Variants in LRPPRC observed in about 807,000 individuals in gnomAD.
LRPPRC encodes leucine rich pentatricopeptide repeat containing.
LRPPRC carries 120 observed loss-of-function variants against 180.3 expected under a neutral mutation model. That is an observed-to-expected ratio of 0.67 (90% CI 0.57 to 0.77). LRPPRC has a LOEUF of 0.77. Among genes scored for constraint, LRPPRC ranks in the 30% least tolerant of loss-of-function variants. LRPPRC has a pLI of 0.00. For missense variants in LRPPRC, 2,012 were observed against 1,657.2 expected, an observed-to-expected ratio of 1.21 and a Z score of -3.72; for synonymous variants, 723 against 600.0, an observed-to-expected ratio of 1.21 and a Z score of -3.00.
At chr2:43,981,565 G>A (rs1449214003) in intron 2 of LRPPRC, among the ~76,000 whole-genome samples, 1 of 151,876 alleles carries the variant, frequency 6.6e-6, no homozygotes, top group African/African-American at 2.4e-5. Context: ...GCTGAGGCAG[G>A]AGAGTTGCTT....
intron 7 of LRPPRC, 27 bp from the exon 8 acceptor site, chr2:43,974,785 A>C: frequency 6.2e-7 from 1 of 1,608,194 alleles, no homozygotes; most frequent in Admixed American, 1.7e-5. Flanking sequence ...AAATTAGAAG[A>C]CAAAGTTAGA....
At chr2:43,934,986 AGC>A (rs1285122475) in intron 23 of LRPPRC, 108 bp from the exon 24 acceptor site, 5 of 825,662 alleles carry the variant, frequency 6.1e-6, no homozygotes, top group Non-Finnish European at 9.6e-6. Flanking sequence ...TAAACAACTG[AGC>A]TTTACTTAAG....
chr2:43,936,928 C>T (rs576440444), intron 23 of LRPPRC, among the ~76,000 whole-genome samples: 7 of 152,248 alleles, frequency 4.6e-5, no homozygotes, highest in Non-Finnish European at 1.0e-4. Flanking sequence ...GACACAGGTT[C>T]GGTTATTGCC....
At chr2:43,889,172 A>G (rs1193256531) in intron 37 of LRPPRC, among the ~76,000 whole-genome samples, 14 of 151,996 alleles carry the variant, frequency 9.2e-5, no homozygotes, top group African/African-American at 3.1e-4. Flanking sequence ...AAAATGTGCC[A>G]GGCATGGTGG....
At chr2:43,935,798 A>G (rs1011122123) in intron 23 of LRPPRC, among the ~76,000 whole-genome samples, 1 of 152,210 alleles carries the variant, frequency 6.6e-6, no homozygotes, top group African/African-American at 2.4e-5. Context: ...TAAAAGGACA[A>G]TGTTAGTATG....
At chr2:43,947,177 T>C in intron 20 of LRPPRC, 80 bp downstream of exon 20, 3 of 675,312 alleles carry the variant, frequency 4.4e-6, no homozygotes, top group Admixed American at 2.7e-5. Context: ...GTAAAAATCA[T>C]AAATATTATA....
At chr2:43,957,296 T>C in intron 14 of LRPPRC, 89 bp downstream of exon 14, 1 of 887,556 alleles carries the variant, frequency 1.1e-6, no homozygotes, top group Non-Finnish European at 1.9e-6. Flanking sequence ...AAGATAAGAA[T>C]ATTTGTATTT....
In LRPPRC at chr2:43,947,359, A is replaced by G. The variant is rs1290296223; in HGVS notation, c.1977T>C (p.Leu659=). The G allele has an allele frequency of 1.9e-6, 3 of 1,553,564 alleles. No individual in the cohort carries two copies. The highest frequency in any genetic ancestry group is 1.7e-5 in the Admixed American group (1 of 59,890). ...GTGTGGACTCCAATTCAGATGATGT[A>G]AGTTGCACAGTCTACAGAAAAGAAA... ...KNLDFQKTVQ[L]TSSELESTLE... The change falls in exon 20 of 38, where the codon CTT becomes CTC. Residue 659 remains leucine, a synonymous_variant. Transcript: ENST00000260665.
intron 29 of LRPPRC, among the ~76,000 whole-genome samples, chr2:43,916,947 G>C (rs1057031900): frequency 3.0e-5 from 3 of 100,922 alleles, no homozygotes; most frequent in Non-Finnish European, 5.6e-5. Context: ...CTGTCTCCGG[G>C]GGGAAAAAAA....
intron 1 of LRPPRC, among the ~76,000 whole-genome samples, chr2:43,994,271 G>A (rs1263774575): frequency 6.6e-6 from 1 of 152,146 alleles, no homozygotes; most frequent in Non-Finnish European, 1.5e-5. Flanking sequence ...TTACAAGTAC[G>A]CTCCATTCCA....
intron 3 of LRPPRC, among the ~76,000 whole-genome samples, chr2:43,978,289 A>G (rs967068288): frequency 2.6e-5 from 4 of 152,288 alleles, no homozygotes; most frequent in African/African-American, 9.6e-5. Flanking sequence ...GTTTCTGGCA[A>G]TATTAATTCA....
intron 17 of LRPPRC, 89 bp downstream of exon 17, chr2:43,948,323 G>A (rs1672770099): frequency 2.2e-6 from 2 of 928,230 alleles, no homozygotes; most frequent in Non-Finnish European, 3.6e-6. Flanking sequence ...TTGAGAAGTG[G>A]TCTGGTTGTA....
At chr2:43,978,458 A>G (rs1270938769) in intron 3 of LRPPRC, among the ~76,000 whole-genome samples, 1 of 152,180 alleles carries the variant, frequency 6.6e-6, no homozygotes, top group Non-Finnish European at 1.5e-5. Context: ...TAATCTTTAT[A>G]TGGAGGAATT....
chr2:43,940,869 G>C (rs1040318786), intron 23 of LRPPRC, among the ~76,000 whole-genome samples: 1 of 151,958 alleles, frequency 6.6e-6, no homozygotes, highest in Non-Finnish European at 1.5e-5. Context: ...CCATGAATCA[G>C]GCATGATTTT....
At position 43,963,674 on chromosome 2, in the gene LRPPRC, A is replaced by G. The variant is rs775270272; in HGVS notation, c.1402T>C (p.Leu468=). The change falls in exon 12 of 38, where the codon TTG becomes CTG. Residue 468 remains leucine, a synonymous_variant. Transcript: ENST00000260665. ...GTTTCCTGATCAGGATGTACTCCCA[A>G]TTCTTGCATTCCTTTGAGGATTTCA... ...IIEILKGMQE[L]GVHPDQETYT... 1.9e-6 allele frequency: 3 copies of G among 1,603,840 alleles called. No individual in the cohort carries two copies. The highest frequency in any genetic ancestry group is 1.7e-6 in the Non-Finnish European group (2 of 1,170,864).
intron 27 of LRPPRC, 54 bp downstream of exon 27, chr2:43,925,013 G>T: frequency 2.9e-6 from 3 of 1,037,280 alleles, no homozygotes; most frequent in Non-Finnish European, 4.6e-6. Flanking sequence ...CTCCTTTCCT[G>T]CCACTGCCTT....
intron 11 of LRPPRC, among the ~76,000 whole-genome samples, chr2:43,967,462 G>A (rs1318273561): frequency 6.6e-6 from 1 of 152,158 alleles, no homozygotes; most frequent in Non-Finnish European, 1.5e-5. Context: ...AAAGTTGGCT[G>A]GGAAGAATAA....
chr2:43,973,648 C>G lies in LRPPRC; in HGVS notation c.1328G>C (p.Trp443Ser), dbSNP rs749067246. Reference sequence around the variant, plus strand: ...CTTCCGACGTCCAACTAGCAATGGCCAGAAATAGTGAGGTCTGATAGGAAA... The same window carrying G: ...CTTCCGACGTCCAACTAGCAATGGCGAGAAATAGTGAGGTCTGATAGGAAA... ...EGFPIRPHYFWPLLVGRRKEK... is the reference protein window; with the variant it reads ...EGFPIRPHYFSPLLVGRRKEK... Residue 443 changes from tryptophan (W) to serine (S), a missense_variant, in exon 11 of 38, where the codon TGG becomes TCG. By Grantham distance (177) the Trp-to-Ser change is radical. Coordinates refer to ENST00000260665, the MANE Select transcript of LRPPRC (RefSeq NM_133259.4). 6.2e-7 allele frequency: 1 copy of G among 1,613,902 alleles called. No homozygotes were observed. The highest frequency in any genetic ancestry group is 8.5e-7 in the Non-Finnish European group (1 of 1,179,924).
rs763364122 is a variant in LRPPRC, at chr2:43,934,328, G to A, written c.2630-32C>T. 8.5e-6 allele frequency: 9 copies of A among 1,053,330 alleles called. No homozygotes were observed. In the African/African-American group the frequency reaches 1.4e-4, roughly 17 times the overall value. The allele number at this position is 1,053,330 out of a possible 1,614,324, so 65.2% of individuals were successfully genotyped here. A position where few individuals can be genotyped will look rare whatever the true frequency, so the allele number is the denominator to read the frequency against. On this transcript the variant is annotated intron_variant, in intron 24 of 37. Transcript: ENST00000260665. ...AGGAGAGAAAAAAATATATATATTA[G>A]GAGAAAAAAAAACCCAGAAAAACAG...
Sources: gnomAD v4.1 joint callset for allele counts (sites outside exome capture counted in the v4.1 genomes callset) on GRCh38, gnomAD v4.1.1 for gene constraint, MANE v1.5 for transcripts, NCBI Gene and HGNC (gene_info 2026-07-23, HGNC 2026-07-21) for gene names.